The following HYDIN variants were observed in gnomAD, a reference collection of about 807,000 sequenced individuals.
The protein encoded by HYDIN is HYDIN axonemal central pair apparatus protein, also known as axonemal central pair apparatus protein HYDIN.
Under a neutral mutation model 403.9 loss-of-function variants are expected in HYDIN, and 132 were observed. The ratio of observed to expected loss-of-function variants is 0.33; its 90% confidence interval spans 0.28 to 0.38. The LOEUF (loss-of-function observed/expected upper bound fraction) is 0.38, where lower values mean the gene tolerates loss of function less well. HYDIN is among the 10% of genes least tolerant of loss of function. The probability of loss-of-function intolerance (pLI) is 1.00; values close to 1 mark genes in which losing one functional copy is unlikely to be tolerated. For synonymous variants in HYDIN, 1,202 were observed against 1,891.7 expected, an observed-to-expected ratio of 0.64 and a Z score of 9.46; for missense variants, 2,827 against 5,009.5, an observed-to-expected ratio of 0.56 and a Z score of 13.15.
Position 71,204,832 on chromosome 16 carries a change from C to T in HYDIN, c.-23-17914G>A, listed in dbSNP as rs1451516990. On this transcript the variant is annotated intron_variant, in intron 1 of 85. Transcript: ENST00000393567. The stretch of plus-strand genomic sequence containing the variant: ...CACTCTATATCTCTAACAAGGAAAA[C>T]AATAAGATATTCTTCTAAAAGTGAA... Among the ~76,000 whole-genome samples, 4 of 151,984 alleles carry T rather than the reference C, an allele frequency of 2.6e-5. No individual in the cohort carries two copies. In the East Asian group the frequency reaches 7.7e-4, roughly 29 times the overall value.
chr16:71,003,786 G>A (rs1208078386), intron 23 of HYDIN, among the ~76,000 whole-genome samples: 1 of 149,120 alleles, frequency 6.7e-6, no homozygotes, highest in Non-Finnish European at 1.5e-5. Context: ...GGGACAGGGC[G>A]AGACTCCATC....
chr16:70,981,316 A>G (rs1161120397), intron 29 of HYDIN, 75 bp downstream of exon 29: 2 of 1,482,402 alleles, frequency 1.3e-6, no homozygotes, highest in Non-Finnish European at 1.8e-6. Context: ...GTAAGTAGCC[A>G]GCAATCTTCC....
Position 71,093,924 on chromosome 16 carries a change from G to T in HYDIN, c.1339C>A (p.Arg447Ser), listed in dbSNP as rs750057896. Residue 447 changes from arginine (R) to serine (S), a missense_variant, in exon 11 of 86, where the codon CGT (arginine) becomes AGT (serine). Transcript: ENST00000393567. ...TCCCCTTTGATTCGGAGGGGCAGAC[G>T]GATTTCTCGGCCTAGAAAAACAATT... is the stretch of plus-strand genomic sequence containing the variant. ...IYCDILGREI[R>S]LPLRIKGEGM... 1 of 1,613,220 alleles carries T rather than the reference G, an allele frequency of 6.2e-7. No individual in the cohort carries two copies. Among genetic ancestry groups the T allele is most frequent in the South Asian group, 1.1e-5 (1 of 90,882 alleles).
At chr16:71,107,071 C>T (rs376332757) in intron 10 of HYDIN, among the ~76,000 whole-genome samples, 6 of 145,492 alleles carry the variant, frequency 4.1e-5, no homozygotes, top group Admixed American at 1.4e-4. Context: ...AACCAAACAC[C>T]GCATGTTCTC....
rs775203734 is a variant in HYDIN, at chr16:70,882,834, G to A, written c.10041C>T (p.Asn3347=). The change falls in exon 60 of 86, where the codon AAC becomes AAT. Residue 3347 remains asparagine, a synonymous_variant. Coordinates refer to ENST00000393567, the MANE Select transcript of HYDIN (RefSeq NM_001270974.2). ...FEEHQICTSA[N]LHHILQTIES... ...CTATGGTCTGCAGGATGTGGTGCAG[G>A]TTGGCACTGGTACATATCTGGTGCT... is the stretch of plus-strand genomic sequence containing the variant. 12 of 1,539,292 alleles carry A rather than the reference G, an allele frequency of 7.8e-6. No homozygotes were observed. Among genetic ancestry groups the A allele is most frequent in the Non-Finnish European group, 1.1e-5 (12 of 1,112,590 alleles).
intron 18 of HYDIN, among the ~76,000 whole-genome samples, chr16:71,059,323 G>A: frequency 6.6e-6 from 1 of 151,968 alleles, no homozygotes. Context: ...TGCATATGGT[G>A]TGAGGAAGGG....
intron 11 of HYDIN, 124 bp downstream of exon 11, chr16:71,093,693 A>C: frequency 9.9e-7 from 1 of 1,010,130 alleles, no homozygotes; most frequent in Non-Finnish European, 1.4e-6. Context: ...GGTCTCAACA[A>C]GGATGAGTAA....
At chr16:71,176,042 T>C (rs2086656220) in intron 4 of HYDIN, among the ~76,000 whole-genome samples, 1 of 152,118 alleles carries the variant, frequency 6.6e-6, no homozygotes, top group African/African-American at 2.4e-5. Context: ...GCGCAGTGGC[T>C]CACCCGTTAT....
At chr16:70,842,797 T>C (rs1169593261) in intron 75 of HYDIN, among the ~76,000 whole-genome samples, 1 of 152,012 alleles carries the variant, frequency 6.6e-6, no homozygotes, top group Non-Finnish European at 1.5e-5. Flanking sequence ...TTTAAACAAA[T>C]CACTAGTCAA....
rs1593136 is a variant in HYDIN at position 71,206,905 on chromosome 16, C to T, written c.-23-19987G>A. On this transcript the variant is annotated intron_variant, in intron 1 of 85. Coordinates refer to ENST00000393567, the MANE Select transcript of HYDIN (RefSeq NM_001270974.2). ...CAGAATAAAAATGAATGAACAAAAC[C>T]TCCAAGAAATATGGGATTATGAAAA... Among the ~76,000 whole-genome samples, 1,283 of 152,236 alleles carry T rather than the reference C, an allele frequency of 8.4e-3. 18 individuals carry two copies. The highest frequency in any genetic ancestry group is 0.029 in the African/African-American group (1,219 of 41,536).
intron 23 of HYDIN, among the ~76,000 whole-genome samples, chr16:70,993,479 T>C (rs921676449): frequency 6.6e-6 from 1 of 152,160 alleles, no homozygotes; most frequent in Non-Finnish European, 1.5e-5. Flanking sequence ...TTTGGCATGA[T>C]GTTTTTGAGA....
chr16:71,067,521 T>C (rs1440093348), intron 14 of HYDIN, 131 bp from the exon 15 acceptor site: 2 of 483,468 alleles, frequency 4.1e-6, no homozygotes, highest in South Asian at 2.5e-5. Flanking sequence ...GCATTTTACA[T>C]TTTTAGTTGA....
At chr16:71,154,416 C>A (rs1242135071) in intron 6 of HYDIN, among the ~76,000 whole-genome samples, 1 of 120,032 alleles carries the variant, frequency 8.3e-6, no homozygotes, top group African/African-American at 3.3e-5. Flanking sequence ...TACAAACAAT[C>A]CAATTACACT....
At chr16:71,118,022 A>C (rs376119976) in intron 9 of HYDIN, among the ~76,000 whole-genome samples, 12 of 152,060 alleles carry the variant, frequency 7.9e-5, no homozygotes, top group African/African-American at 2.9e-4. Flanking sequence ...CTGTCACCTC[A>C]AAAGTTAGAA....
At chr16:71,173,576 G>T (rs867030945) in intron 5 of HYDIN, among the ~76,000 whole-genome samples, 3 of 152,254 alleles carry the variant, frequency 2.0e-5, no homozygotes, top group African/African-American at 7.2e-5. Flanking sequence ...AGACAGACTA[G>T]CATGACAAAC....
At chr16:71,032,076 TC>T (rs902586021) in intron 18 of HYDIN, among the ~76,000 whole-genome samples, 159 bp from the exon 19 acceptor site, 2 of 151,628 alleles carry the variant, frequency 1.3e-5, no homozygotes. Context: ...TTGTTGGTTT[TC>T]CTTTTTTTCA....
intron 3 of HYDIN, among the ~76,000 whole-genome samples, chr16:71,183,054 C>T (rs971664532): frequency 6.6e-6 from 1 of 151,894 alleles, no homozygotes; most frequent in Non-Finnish European, 1.5e-5. Context: ...ACTTTTACTG[C>T]TTTGTGATAA....
chr16:71,127,193 T>C (rs1268946180), intron 9 of HYDIN, among the ~76,000 whole-genome samples: 3 of 151,978 alleles, frequency 2.0e-5, no homozygotes, highest in East Asian at 1.9e-4. Context: ...TTTGCAAAAA[T>C]TGTCAACCAG....
chr16:71,061,895 TCA>T (rs1491485752), intron 17 of HYDIN, among the ~76,000 whole-genome samples: 42 of 142,842 alleles, frequency 2.9e-4, no homozygotes, highest in Admixed American at 4.9e-4. Flanking sequence ...TGTGTGTGTG[TCA>T]GAGAGAGAGA....
Sources: allele counts gnomAD v4.1 joint callset (sites outside exome capture counted in the v4.1 genomes callset), GRCh38; gene constraint gnomAD v4.1.1; transcripts MANE v1.5; gene names NCBI Gene and HGNC (gene_info 2026-07-23, HGNC 2026-07-21).